Variants in INPP5A observed in about 807,000 individuals in gnomAD.
INPP5A encodes 43 kDa inositol polyphosphate 5-phophatase.
A neutral mutation model predicts 65.2 loss-of-function variants in INPP5A; 14 were observed. The observed-to-expected ratio is 0.21, with a 90% confidence interval of 0.14 to 0.34. The LOEUF (loss-of-function observed/expected upper bound fraction) is 0.34, where lower values mean the gene tolerates loss of function less well. Among genes scored for constraint, INPP5A ranks in the 10% least tolerant of loss-of-function variants. The pLI is 1.00. For synonymous variants in INPP5A, 207 were observed against 208.3 expected, an observed-to-expected ratio of 0.99 and a Z score of 0.05; for missense variants, 431 against 545.6, an observed-to-expected ratio of 0.79 and a Z score of 2.09.
intron 2 of INPP5A, among the ~76,000 whole-genome samples, chr10:132,625,530 G>C (rs904893511): frequency 5.9e-5 from 9 of 152,166 alleles, no homozygotes; most frequent in African/African-American, 2.2e-4. Context: ...AGGAGGGGAG[G>C]CTTTGGGAGC....
intron 11 of INPP5A, among the ~76,000 whole-genome samples, chr10:132,759,569 A>G (rs1305313622): frequency 1.3e-5 from 2 of 151,654 alleles, no homozygotes; most frequent in African/African-American, 4.8e-5. Flanking sequence ...CGGAAGTTCC[A>G]GTAGGTGGGG....
At chr10:132,729,210 G>A (rs1257433405) in intron 9 of INPP5A, among the ~76,000 whole-genome samples, 1 of 152,194 alleles carries the variant, frequency 6.6e-6, no homozygotes, top group East Asian at 1.9e-4. Flanking sequence ...GGGTGTGGCC[G>A]TAAGAGGAGG....
At chr10:132,673,280 C>A in intron 4 of INPP5A, among the ~76,000 whole-genome samples, 1 of 152,158 alleles carries the variant, frequency 6.6e-6, no homozygotes. Flanking sequence ...GCTAGGCCAG[C>A]AGAACGTAAT....
intron 8 of INPP5A, among the ~76,000 whole-genome samples, chr10:132,719,950 G>A (rs1394002563): frequency 6.7e-6 from 1 of 148,498 alleles, no homozygotes; most frequent in Non-Finnish European, 1.5e-5. Flanking sequence ...TCAGGGTTCT[G>A]TGGTACCTGG....
chr10:132,615,489 G>A (rs1389513770), intron 2 of INPP5A, among the ~76,000 whole-genome samples: 1 of 152,224 alleles, frequency 6.6e-6, no homozygotes, highest in Non-Finnish European at 1.5e-5. Flanking sequence ...CAGTGGAGTT[G>A]GAGGAAGTGG....
intron 1 of INPP5A, among the ~76,000 whole-genome samples, chr10:132,559,304 C>T (rs1212805844): frequency 6.6e-6 from 1 of 152,206 alleles, no homozygotes; most frequent in African/African-American, 2.4e-5. Flanking sequence ...GGGGGTTAGT[C>T]CTGTCATTTG....
At chr10:132,755,926 G>A (rs1251302284) in intron 11 of INPP5A, among the ~76,000 whole-genome samples, 1 of 152,126 alleles carries the variant, frequency 6.6e-6, no homozygotes, top group Non-Finnish European at 1.5e-5. Context: ...ACAAACGTTT[G>A]GCACATGTAC....
intron 1 of INPP5A, among the ~76,000 whole-genome samples, chr10:132,559,508 C>T (rs964789788): frequency 3.9e-5 from 6 of 152,244 alleles, no homozygotes; most frequent in Non-Finnish European, 8.8e-5. Flanking sequence ...CTCCTTTCCC[C>T]CCTTCCGCCA....
intron 8 of INPP5A, among the ~76,000 whole-genome samples, chr10:132,722,399 A>G (rs921343921): frequency 7.9e-5 from 12 of 152,048 alleles, no homozygotes; most frequent in East Asian, 3.9e-4. Context: ...TCCTTGGGGG[A>G]AAAAAAACTA....
chr10:132,696,728 T>C (rs1222013118), intron 5 of INPP5A, among the ~76,000 whole-genome samples: 1 of 152,214 alleles, frequency 6.6e-6, no homozygotes, highest in African/African-American at 2.4e-5. Flanking sequence ...CATCTCATGC[T>C]GTCTCCTGTC....
At chr10:132,747,546 C>G (rs1272333115) in intron 9 of INPP5A, among the ~76,000 whole-genome samples, 4 of 152,218 alleles carry the variant, frequency 2.6e-5, no homozygotes, top group African/African-American at 7.2e-5. Context: ...AGCGCATGCC[C>G]GGAACCTGCA....
intron 1 of INPP5A, among the ~76,000 whole-genome samples, chr10:132,567,191 G>A (rs866289685): frequency 4.6e-5 from 7 of 152,236 alleles, no homozygotes; most frequent in African/African-American, 1.4e-4. Context: ...AGGTGACACC[G>A]TCCTTCTCAG....
chr10:132,646,021 G>A (rs1348173757), intron 3 of INPP5A, 53 bp downstream of exon 3: 21 of 1,214,378 alleles, frequency 1.7e-5, no homozygotes, highest in East Asian at 2.4e-5. Context: ...GGTGTGGGGT[G>A]CCGGCGGGGG....
chr10:132,715,456 G>A (rs1845723696), intron 8 of INPP5A, among the ~76,000 whole-genome samples: 2 of 152,140 alleles, frequency 1.3e-5, no homozygotes, highest in African/African-American at 4.8e-5. Context: ...GGCATTCAAA[G>A]GAAATGATTG....
chr10:132,711,825 C>T (rs1845642044), intron 8 of INPP5A, among the ~76,000 whole-genome samples: 1 of 152,232 alleles, frequency 6.6e-6, no homozygotes, highest in South Asian at 2.1e-4. Flanking sequence ...GCTGCACAGG[C>T]AGAGGCAGGG....
chr10:132,574,429 G>C (rs2071390232), intron 1 of INPP5A, among the ~76,000 whole-genome samples: 1 of 150,470 alleles, frequency 6.6e-6, no homozygotes, highest in Non-Finnish European at 1.5e-5. Context: ...ATGTTGGGGT[G>C]TGTGTGCCGT....
At chr10:132,730,249 G>T (rs540087154) in intron 9 of INPP5A, among the ~76,000 whole-genome samples, 1 of 152,300 alleles carries the variant, frequency 6.6e-6, no homozygotes, top group South Asian at 2.1e-4. Context: ...GACCGGCCAG[G>T]CCCCTTTCTG....
Position 132,538,183 on chromosome 10 carries a change from G to A in INPP5A, c.75+12G>A. On this transcript the variant is annotated intron_variant, in intron 1 of 15. Coordinates refer to ENST00000368594, the MANE Select transcript of INPP5A (RefSeq NM_005539.5). This position sits in a 1 kb window ranked among gnomAD's most constrained non-coding sequence, Gnocchi z 4.1. ...CGCTCTTCGACGACGTAAGTCCCCC[G>A]TGCCGGCGGCAGGCCCCAAGCCCGG... 1.6e-6 allele frequency: 2 copies of A among 1,271,668 alleles called. No homozygotes were observed. The highest frequency in any genetic ancestry group is 2.0e-6 in the Non-Finnish European group (2 of 1,005,090). The allele number at this position is 1,271,668 out of a possible 1,614,324, so 78.8% of individuals were successfully genotyped here.
At chr10:132,560,821 C>T (rs1426977870) in intron 1 of INPP5A, among the ~76,000 whole-genome samples, 2 of 151,808 alleles carry the variant, frequency 1.3e-5, no homozygotes, top group Admixed American at 1.3e-4. Context: ...ATGCTGTAGT[C>T]TGGTATCAAA....
Sources: gnomAD v4.1 joint callset for allele counts (sites outside exome capture counted in the v4.1 genomes callset) on GRCh38, gnomAD v4.1.1 for gene constraint, Gnocchi (gnomAD v3.1) non-coding constraint, MANE v1.5 for transcripts, NCBI Gene and HGNC (gene_info 2026-07-23, HGNC 2026-07-21) for gene names.